AXIN1: variants seen among roughly 807,000 people sequenced by gnomAD.
AXIN1 encodes axin-1.
A neutral mutation model predicts 76.4 loss-of-function variants in AXIN1; 30 were observed. That is an observed-to-expected ratio of 0.39 (90% confidence interval 0.29 to 0.53). The LOEUF is 0.53. Among genes scored for constraint, AXIN1 ranks in the 20% least tolerant of loss-of-function variants. The pLI is 0.66. For synonymous variants in AXIN1, 545 were observed against 501.4 expected (o/e 1.09, Z -1.16); for missense variants, 1,140 against 1,198.8 (o/e 0.95, Z 0.72).
intron 5 of AXIN1, among the ~76,000 whole-genome samples, chr16:302,032 G>A (rs999929036): frequency 6.6e-6 from 1 of 152,158 alleles, no homozygotes; most frequent in Non-Finnish European, 1.5e-5. Context: ...AGCCCAGTAA[G>A]GCTCCCAGGC....
chr16:334,032 C>T (rs2053748533), intron 2 of AXIN1, among the ~76,000 whole-genome samples: 1 of 150,902 alleles, frequency 6.6e-6, no homozygotes, highest in Non-Finnish European at 1.5e-5. Flanking sequence ...AGTACCACAG[C>T]ACCCAGTACC....
rs2141459913 is a variant in AXIN1 at position 288,211 on chromosome 16, C to T, written c.2500G>A (p.Gly834Arg). The T allele has an allele frequency of 6.2e-7, 1 of 1,613,730 alleles. No individual in the cohort carries two copies. The highest frequency in any genetic ancestry group is 8.5e-7 in the Non-Finnish European group (1 of 1,180,012). The part of the protein sequence containing the change: ...FKKVSDEFDC[G>R]VVFEEVREDE... ...TCTCGAACCTCCTCAAACACCACCCCACAGTCAAACTCGTCGCTCACTTTC... is the reference window on the plus strand; with the variant it reads ...TCTCGAACCTCCTCAAACACCACCCTACAGTCAAACTCGTCGCTCACTTTC... Residue 834 changes from glycine to arginine, a missense_variant, in exon 11 of 11, where the codon GGG becomes AGG. By Grantham distance (125) the Gly-to-Arg change is moderately radical. Coordinates refer to ENST00000262320, the MANE Select transcript of AXIN1 (RefSeq NM_003502.4).
At chr16:342,152 A>C (rs2053938243) in intron 2 of AXIN1, among the ~76,000 whole-genome samples, 1 of 151,396 alleles carries the variant, frequency 6.6e-6, no homozygotes. Flanking sequence ...GCTGCTGCTC[A>C]CTCTTTGGGT....
chr16:342,684 C>A (rs2053953650), intron 2 of AXIN1, among the ~76,000 whole-genome samples: 1 of 152,230 alleles, frequency 6.6e-6, no homozygotes, highest in Non-Finnish European at 1.5e-5. Context: ...GGCACACGTG[C>A]CCTCCTCAGA....
intron 2 of AXIN1, among the ~76,000 whole-genome samples, chr16:330,177 C>T (rs2053666098): frequency 6.6e-6 from 1 of 151,926 alleles, no homozygotes; most frequent in Non-Finnish European, 1.5e-5. Context: ...CCACCCATCT[C>T]AGCCTCCCTA....
At chr16:330,903 T>C (rs1026618955) in intron 2 of AXIN1, among the ~76,000 whole-genome samples, 3 of 152,174 alleles carry the variant, frequency 2.0e-5, no homozygotes, top group East Asian at 1.9e-4. Context: ...TCCCAGCAAA[T>C]TGCAGGCAAT....
At chr16:299,310 T>A in intron 5 of AXIN1, 1 of 890,074 alleles carries the variant, frequency 1.1e-6, no homozygotes, top group Non-Finnish European at 1.3e-6. Context: ...AAATCTGGTG[T>A]CAATACAAAA....
chr16:320,743 A>ATTTTTTATT (rs2053429415), intron 2 of AXIN1, among the ~76,000 whole-genome samples: 1 of 107,664 alleles, frequency 9.3e-6, no homozygotes. Context: ...ATATATATAT[A>ATTTTTTATT]TTTTTTTTTT....
At chr16:322,590 G>A (rs1385597355) in intron 2 of AXIN1, among the ~76,000 whole-genome samples, 1 of 152,164 alleles carries the variant, frequency 6.6e-6, no homozygotes, top group Non-Finnish European at 1.5e-5. Flanking sequence ...GGCTGTCCGC[G>A]AGGCAAAGAG....
At chr16:315,244 C>T (rs942796724) in intron 2 of AXIN1, among the ~76,000 whole-genome samples, 1 of 152,196 alleles carries the variant, frequency 6.6e-6, no homozygotes, top group African/African-American at 2.4e-5. Flanking sequence ...CTTGTTACTG[C>T]AAAATTAGCC....
At position 309,861 on chromosome 16, in the gene AXIN1, G is replaced by C. The variant is rs557346677; in HGVS notation, c.1116+112C>G. On this transcript the variant is annotated intron_variant, in intron 4 of 10. Transcript: ENST00000262320. Reference sequence around the variant, plus strand: ...CTGGGATCACACGCTTACGCCTAGAGGTAAGCCTGGCTCGTGGGAGGCCAG... The same window carrying C: ...CTGGGATCACACGCTTACGCCTAGACGTAAGCCTGGCTCGTGGGAGGCCAG... The C allele has an allele frequency of 3.0e-4, 312 of 1,029,482 alleles. 1 individual carries two copies. The highest frequency in any genetic ancestry group is 4.5e-4 in the Non-Finnish European group (299 of 671,320). 63.8% of individuals were successfully genotyped at this position (1,029,482 alleles called of 1,614,324 possible).
chr16:306,810 G>A (rs1248273711), intron 4 of AXIN1, among the ~76,000 whole-genome samples: 1 of 152,238 alleles, frequency 6.6e-6, no homozygotes, highest in African/African-American at 2.4e-5. Context: ...CCAGGAAGGG[G>A]TCTGTCCCGG....
intron 5 of AXIN1, among the ~76,000 whole-genome samples, chr16:303,852 CAA>C (rs561980909): frequency 1.3e-3 from 205 of 152,288 alleles, no homozygotes; most frequent in Admixed American, 2.0e-3. Context: ...CTCAAGGAAC[CAA>C]AAGTGACCAG....
intron 5 of AXIN1, chr16:299,253 C>A (rs879291767): frequency 2.3e-5 from 23 of 985,056 alleles, no homozygotes; most frequent in Non-Finnish European, 2.5e-5. Flanking sequence ...GCATCTCATA[C>A]TTATTTTCTC....
At chr16:330,764 T>G (rs775733693) in intron 2 of AXIN1, among the ~76,000 whole-genome samples, 1 of 152,220 alleles carries the variant, frequency 6.6e-6, no homozygotes, top group Non-Finnish European at 1.5e-5. Flanking sequence ...CAGGAGACAC[T>G]AGCACCCTCA....
chr16:350,883 G>C (rs1484757267), intron 1 of AXIN1, among the ~76,000 whole-genome samples: 1 of 151,594 alleles, frequency 6.6e-6, no homozygotes, highest in African/African-American at 2.4e-5. Context: ...TGTAATCCCA[G>C]CACTTTGGGA....
chr16:307,638 A>G (rs1310499251), intron 4 of AXIN1, among the ~76,000 whole-genome samples: 4 of 152,192 alleles, frequency 2.6e-5, no homozygotes. Flanking sequence ...CACAAGGTGC[A>G]CACAGCCTGG....
chr16:341,817 T>C (rs1315575445), intron 2 of AXIN1, among the ~76,000 whole-genome samples: 1 of 152,256 alleles, frequency 6.6e-6, no homozygotes, highest in African/African-American at 2.4e-5. Context: ...ATCAGCACTC[T>C]GTGTCTAGCT....
At chr16:297,537 T>C (rs2052747383) in intron 6 of AXIN1, among the ~76,000 whole-genome samples, 185 bp downstream of exon 6, 1 of 151,902 alleles carries the variant, frequency 6.6e-6, no homozygotes, top group Admixed American at 6.6e-5. Flanking sequence ...CTAACCTTCA[T>C]CTCCCACCTG....
Sources: gnomAD v4.1 joint callset for allele counts (sites outside exome capture counted in the v4.1 genomes callset) on GRCh38, gnomAD v4.1.1 for gene constraint, MANE v1.5 for transcripts, NCBI Gene and HGNC (gene_info 2026-07-23, HGNC 2026-07-21) for gene names.